Variants in DOCK1 observed in about 807,000 individuals in gnomAD.
DOCK1 encodes the protein dedicator of cytokinesis protein 1.
In DOCK1, 138 loss-of-function variants were observed where a neutral mutation model predicts 262.7. The ratio of observed to expected loss-of-function variants is 0.53; its 90% CI spans 0.46 to 0.61. The LOEUF (loss-of-function observed/expected upper bound fraction) is 0.61, where lower values mean the gene tolerates loss of function less well. DOCK1 is among the 20% of genes least tolerant of loss of function. The pLI is 0.00. For synonymous variants in DOCK1, 866 were observed against 867.4 expected (o/e 1.00, Z 0.03); for missense variants, 1,908 against 2,370.7 (o/e 0.80, Z 4.05).
chr10:127,408,166 G>A (rs2067629908), intron 40 of DOCK1, among the ~76,000 whole-genome samples: 1 of 152,146 alleles, frequency 6.6e-6, no homozygotes, highest in African/African-American at 2.4e-5. Flanking sequence ...CCTCGTGGAA[G>A]GAAGAACACT....
At chr10:127,260,870 C>CGTGT (rs747816716) in intron 29 of DOCK1, among the ~76,000 whole-genome samples, 9 of 56,338 alleles carry the variant, frequency 1.6e-4, no homozygotes, top group East Asian at 6.3e-4. Flanking sequence ...TGTGTGTGTG[C>CGTGT]ATGTGTGTGT....
At chr10:127,092,591 C>A (rs1304683012) in intron 23 of DOCK1, among the ~76,000 whole-genome samples, 1 of 151,894 alleles carries the variant, frequency 6.6e-6, no homozygotes, top group Non-Finnish European at 1.5e-5. Context: ...TCGAGCAGTT[C>A]TCCTACCTCA....
chr10:127,334,987 G>T (rs552814101), intron 29 of DOCK1, among the ~76,000 whole-genome samples: 1 of 152,136 alleles, frequency 6.6e-6, no homozygotes, highest in Non-Finnish European at 1.5e-5. Context: ...AGAGCCAGGG[G>T]CAACCAAATA....
intron 29 of DOCK1, among the ~76,000 whole-genome samples, chr10:127,334,661 T>C (rs2063119952): frequency 6.6e-6 from 1 of 152,244 alleles, no homozygotes. Context: ...GGATTATTTA[T>C]TTGTATGTTT....
chr10:127,185,554 G>T (rs1252178252), intron 27 of DOCK1, among the ~76,000 whole-genome samples: 1 of 152,156 alleles, frequency 6.6e-6, no homozygotes, highest in African/African-American at 2.4e-5. Flanking sequence ...CCTTAGCTGA[G>T]ATACAGCAAG....
intron 23 of DOCK1, among the ~76,000 whole-genome samples, chr10:127,102,425 A>T (rs748108943): frequency 6.6e-6 from 1 of 152,186 alleles, no homozygotes; most frequent in Non-Finnish European, 1.5e-5. Flanking sequence ...ACTTGAAATG[A>T]CTTGACCTGT....
intron 29 of DOCK1, among the ~76,000 whole-genome samples, chr10:127,288,667 C>G (rs924642119): frequency 2.0e-5 from 3 of 151,376 alleles, no homozygotes; most frequent in Admixed American, 1.3e-4. Flanking sequence ...CCTAATGACA[C>G]AAACATGATG....
intron 29 of DOCK1, among the ~76,000 whole-genome samples, chr10:127,286,032 C>T (rs1490593575): frequency 6.6e-6 from 1 of 152,152 alleles, no homozygotes; most frequent in Non-Finnish European, 1.5e-5. Flanking sequence ...GCCCTTTTTC[C>T]AGCTGGCTTC....
At chr10:127,224,983 T>C (rs920531578) in intron 27 of DOCK1, among the ~76,000 whole-genome samples, 2 of 152,090 alleles carry the variant, frequency 1.3e-5, no homozygotes, top group African/African-American at 2.4e-5. Flanking sequence ...AAGGAAACCA[T>C]AGAAGAATCT....
intron 27 of DOCK1, among the ~76,000 whole-genome samples, chr10:127,217,246 A>G (rs1198532906): frequency 1.3e-5 from 2 of 152,186 alleles, no homozygotes; most frequent in Non-Finnish European, 1.5e-5. Flanking sequence ...ACAGATGAAA[A>G]CAGGTTTTTT....
At chr10:127,089,528 A>G (rs1286157965) in intron 23 of DOCK1, among the ~76,000 whole-genome samples, 1 of 152,150 alleles carries the variant, frequency 6.6e-6, no homozygotes, top group Non-Finnish European at 1.5e-5. Flanking sequence ...GACCTCAGGA[A>G]AACGGAGGAT....
chr10:127,164,083 A>T (rs1359316596), intron 27 of DOCK1, among the ~76,000 whole-genome samples: 1 of 147,618 alleles, frequency 6.8e-6, no homozygotes, highest in Non-Finnish European at 1.5e-5. Flanking sequence ...GTGGCGTCCC[A>T]GGGGACGCAG....
intron 27 of DOCK1, among the ~76,000 whole-genome samples, chr10:127,157,670 T>C (rs1325515226): frequency 6.6e-6 from 1 of 152,228 alleles, no homozygotes; most frequent in African/African-American, 2.4e-5. Context: ...ATTCTTTTTT[T>C]AGCTAGTTGA....
intron 27 of DOCK1, among the ~76,000 whole-genome samples, chr10:127,206,192 A>G (rs1364495316): frequency 6.0e-5 from 7 of 116,348 alleles, no homozygotes; most frequent in African/African-American, 1.0e-4. Context: ...TGCCCAGGCT[A>G]TAGTGCAGTG....
At chr10:126,938,195 C>T (rs1210999124) in intron 1 of DOCK1, among the ~76,000 whole-genome samples, 3 of 152,082 alleles carry the variant, frequency 2.0e-5, no homozygotes, top group Admixed American at 2.0e-4. Flanking sequence ...TACAGGCATG[C>T]ACCACCACGC....
At chr10:127,055,465 A>G (rs2045076707) in intron 22 of DOCK1, among the ~76,000 whole-genome samples, 1 of 152,222 alleles carries the variant, frequency 6.6e-6, no homozygotes, top group African/African-American at 2.4e-5. Context: ...GGCCAGAACC[A>G]TGTCACATGA....
At chr10:126,937,323 T>C (rs1245799478) in intron 1 of DOCK1, among the ~76,000 whole-genome samples, 6 of 152,216 alleles carry the variant, frequency 3.9e-5, no homozygotes, top group African/African-American at 1.2e-4. Flanking sequence ...TTCAAGACCC[T>C]GATTTCACTT....
chr10:127,349,834 CCTT>C lies in DOCK1; in HGVS notation c.3225-4828_3225-4826del, dbSNP rs1347401376. 3.3e-5 allele frequency among the ~76,000 whole-genome samples: 5 copies of C among 152,268 alleles called. No individual in the cohort carries two copies. The South Asian group carries it at 6.2e-4, about 19-fold the overall frequency. ...CAATCCCTGCCCCATCTTCCTGTGG[CCTT>C]CTTCTTTGTGTCTTCCTATGTGTCT... On this transcript the variant is annotated intron_variant, in intron 31 of 51. Coordinates refer to ENST00000623213, the MANE Select transcript of DOCK1 (RefSeq NM_001290223.2).
At chr10:127,112,293 T>C (rs1425041986) in intron 25 of DOCK1, among the ~76,000 whole-genome samples, 1 of 152,190 alleles carries the variant, frequency 6.6e-6, no homozygotes, top group Non-Finnish European at 1.5e-5. Flanking sequence ...ATTACAGGCG[T>C]GAGCCACCGA....
Sources: allele counts gnomAD v4.1 joint callset (sites outside exome capture counted in the v4.1 genomes callset), GRCh38; gene constraint gnomAD v4.1.1; transcripts MANE v1.5; gene names NCBI Gene and HGNC (gene_info 2026-07-23, HGNC 2026-07-21).